Variants in SSTR1 observed in about 807,000 individuals in gnomAD.
The protein encoded by SSTR1 is somatostatin receptor 1, also known as somatostatin receptor type 1.
SSTR1 carries 10 observed loss-of-function variants against 20.7 expected under a neutral mutation model. The observed-to-expected ratio is 0.48, with a 90% confidence interval of 0.30 to 0.82. The LOEUF (loss-of-function observed/expected upper bound fraction) is 0.82. Among genes scored for constraint, SSTR1 ranks in the 40% least tolerant of loss-of-function variants. The pLI is 0.07. For synonymous variants in SSTR1, 267 were observed against 227.8 expected, an observed-to-expected ratio of 1.17 and a Z score of -1.55; for missense variants, 494 against 540.0, an observed-to-expected ratio of 0.91 and a Z score of 0.84.
rs1192402133 is a variant in SSTR1 at position 38,209,277 on chromosome 14, TG to T, written c.-110del. The T allele has an allele frequency of 3.9e-6, 5 of 1,286,446 alleles. No individual in the cohort carries two copies. The East Asian group carries it at 1.2e-4, about 31-fold the overall frequency. The allele number at this position is 1,286,446 out of a possible 1,614,324, so 79.7% of individuals were successfully genotyped here. On this transcript the variant is annotated 5_prime_UTR_variant, in exon 3 of 3. Transcript: ENST00000267377. ...GCGGTTGCGCTCTACCCGGAGGCGC[TG>T]GGCGGCTGTGGGCTGCAGGCAAGCG...
rs1594459680 is a variant in SSTR1, at chr14:38,210,915, A to T, written c.*350A>T. 6 of 262,118 alleles carry T rather than the reference A, an allele frequency of 2.3e-5. No individual in the cohort carries two copies. The East Asian group carries it at 5.4e-4, about 24-fold the overall frequency. The allele number at this position is 262,118 out of a possible 1,614,324, so 16.2% of individuals were successfully genotyped here. ...ATCCTTTCTTCCGCACCGTCCCGCC[A>T]GTGCAGATCACGAACTCATTAACAA... On this transcript the variant is annotated 3_prime_UTR_variant, in exon 3 of 3. Transcript: ENST00000267377.
chr14:38,211,714 C>A lies in SSTR1; in HGVS notation c.*1149C>A, dbSNP rs1310433012. The A allele has an allele frequency of 6.0e-6, 1 of 167,156 alleles. No homozygotes were observed. Among genetic ancestry groups the A allele is most frequent in the Non-Finnish European group, 1.5e-5 (1 of 68,154 alleles). 10.4% of individuals were successfully genotyped at this position (167,156 alleles called of 1,614,324 possible). On this transcript the variant is annotated 3_prime_UTR_variant, in exon 3 of 3. Coordinates refer to ENST00000267377, the MANE Select transcript of SSTR1 (RefSeq NM_001049.3). ...AGTCCGCCAGTGTTGGCGGTGTCGC[C>A]GCAACCTGCAGGCTCCCGAGTGGGG...
chr14:38,210,058 C>A lies in SSTR1; in HGVS notation c.669C>A (p.Phe223Leu). Residue 223 changes from phenylalanine to leucine, a missense_variant, in exon 3 of 3, where the codon TTC becomes TTA. Transcript: ENST00000267377. ...PEPAQRWLVG[F>L]VLYTFLMGFL... ...CCGCTCAACGCTGGCTGGTGGGCTT[C>A]GTGTTGTACACATTTCTCATGGGCT... The A allele has an allele frequency of 6.2e-7, 1 of 1,614,206 alleles. No individual in the cohort carries two copies. Among genetic ancestry groups the A allele is most frequent in the Non-Finnish European group, 8.5e-7 (1 of 1,180,050 alleles).
Position 38,209,350 on chromosome 14 carries a change from GC to G in SSTR1, c.-36del. On this transcript the variant is annotated 5_prime_UTR_variant, in exon 3 of 3. Coordinates refer to ENST00000267377, the MANE Select transcript of SSTR1 (RefSeq NM_001049.3). ...CAGGCGGCGGGTGCGCGAGGAGAAA[GC>G]CCCAGCCCTGGCAGCCCCACTGGCC... The G allele has an allele frequency of 6.9e-7, 1 of 1,439,678 alleles. No homozygotes were observed. Among genetic ancestry groups the G allele is most frequent in the Non-Finnish European group, 9.1e-7 (1 of 1,097,562 alleles). The allele number at this position is 1,439,678 out of a possible 1,614,324, so 89.2% of individuals were successfully genotyped here.
In SSTR1 at chr14:38,209,268, C is replaced by G. The variant is rs974800782; in HGVS notation, c.-122C>G. The G allele has an allele frequency of 8.8e-6, 11 of 1,250,640 alleles. No individual in the cohort carries two copies. The East Asian group carries it at 1.5e-4, about 17-fold the overall frequency. The allele number at this position is 1,250,640 out of a possible 1,614,324, so 77.5% of individuals were successfully genotyped here. ...CTCCCCGCAGCGGTTGCGCTCTACC[C>G]GGAGGCGCTGGGCGGCTGTGGGCTG... On this transcript the variant is annotated 5_prime_UTR_variant, in exon 3 of 3. Transcript: ENST00000267377.
At position 38,209,366 on chromosome 14, in the gene SSTR1, C is replaced by T. The variant is rs776637024; in HGVS notation, c.-24C>T. 1.4e-6 allele frequency: 2 copies of T among 1,461,350 alleles called. No individual in the cohort carries two copies. Among genetic ancestry groups the T allele is most frequent in the African/African-American group, 2.9e-5 (2 of 69,708 alleles). The allele number at this position is 1,461,350 out of a possible 1,614,324, so 90.5% of individuals were successfully genotyped here. On this transcript the variant is annotated 5_prime_UTR_variant, in exon 3 of 3. Coordinates refer to ENST00000267377, the MANE Select transcript of SSTR1 (RefSeq NM_001049.3). ...GAGGAGAAAGCCCCAGCCCTGGCAGCCCCACTGGCCCCCCTCAGCTGGGAT... is the reference window on the plus strand; with the variant it reads ...GAGGAGAAAGCCCCAGCCCTGGCAGTCCCACTGGCCCCCCTCAGCTGGGAT...
At position 38,210,100 on chromosome 14, in the gene SSTR1, G is replaced by A. The variant is rs371288526; in HGVS notation, c.711G>A (p.Gly237=). Reference sequence around the variant, plus strand: ...TCATGGGCTTCCTGCTGCCCGTGGGGGCTATCTGCCTGTGCTACGTGCTCA... The same window carrying A: ...TCATGGGCTTCCTGCTGCCCGTGGGAGCTATCTGCCTGTGCTACGTGCTCA... ...TFLMGFLLPV[G]AICLCYVLII... The change falls in exon 3 of 3, where the codon GGG becomes GGA. Residue 237 remains glycine (G), a synonymous_variant. Coordinates refer to ENST00000267377, the MANE Select transcript of SSTR1 (RefSeq NM_001049.3). 25 of 1,614,102 alleles carry A rather than the reference G, an allele frequency of 1.5e-5. No individual in the cohort carries two copies. The highest frequency in any genetic ancestry group is 1.7e-5 in the Non-Finnish European group (20 of 1,180,062).
chr14:38,210,794 C>A lies in SSTR1; in HGVS notation c.*229C>A. The A allele has an allele frequency of 9.0e-7, 1 of 1,113,646 alleles. No homozygotes were observed. Among genetic ancestry groups the A allele is most frequent in the African/African-American group, 1.6e-5 (1 of 63,068 alleles). The allele number at this position is 1,113,646 out of a possible 1,614,324, so 69.0% of individuals were successfully genotyped here. A position where few individuals can be genotyped will look rare whatever the true frequency, so the allele number is the denominator to read the frequency against. On this transcript the variant is annotated 3_prime_UTR_variant, in exon 3 of 3. Transcript: ENST00000267377. ...TTTGCTTATAAACTGGGAAGGCTTTCAGGCTACCTTTTTCTGGGTCTCCCA... is the reference window on the plus strand; with the variant it reads ...TTTGCTTATAAACTGGGAAGGCTTTAAGGCTACCTTTTTCTGGGTCTCCCA...
chr14:38,208,340 C>G (rs1343792037), intron 1 of SSTR1, 103 bp from the exon 2 acceptor site: 1 of 152,266 alleles, frequency 6.6e-6, no homozygotes, highest in African/African-American at 2.4e-5. Context: ...GAATGGTTCA[C>G]TCAGGTCCCT....
chr14:38,208,340 C>T (rs1343792037), intron 1 of SSTR1, 103 bp from the exon 2 acceptor site: 1 of 152,266 alleles, frequency 6.6e-6, no homozygotes, highest in Non-Finnish European at 1.5e-5. Flanking sequence ...GAATGGTTCA[C>T]TCAGGTCCCT....
Position 38,209,835 on chromosome 14 carries a change from CTG to C in SSTR1, c.449_450del (p.Val150AlafsTer99). On this transcript the variant is annotated frameshift_variant, in exon 3 of 3. Transcript: ENST00000267377. LOFTEE classifies it high-confidence loss of function. ...ATGTTCACCAGCATCTACTGTCTGA[CTG>C]TGCTCAGCGTGGACCGCTACGTGGC... is the stretch of plus-strand genomic sequence containing the variant. 6.2e-7 allele frequency: 1 copy of C among 1,613,926 alleles called. No homozygotes were observed.
Position 38,212,457 on chromosome 14 carries a change from C to T in SSTR1, c.*1892C>T, listed in dbSNP as rs533044408. 3 of 167,154 alleles carry T rather than the reference C, an allele frequency of 1.8e-5. No homozygotes were observed. The East Asian group carries it at 5.8e-4, about 32-fold the overall frequency. The allele number at this position is 167,154 out of a possible 1,614,324, so 10.4% of individuals were successfully genotyped here. On this transcript the variant is annotated 3_prime_UTR_variant, in exon 3 of 3. Coordinates refer to ENST00000267377, the MANE Select transcript of SSTR1 (RefSeq NM_001049.3). ...AGCAGAGGTGATTCTTACATATGATCCAGTTAACATCATCACTTTTTTTGA... is the reference window on the plus strand; with the variant it reads ...AGCAGAGGTGATTCTTACATATGATTCAGTTAACATCATCACTTTTTTTGA...
At position 38,209,590 on chromosome 14, in the gene SSTR1, G is replaced by C. The variant is rs763438187; in HGVS notation, c.201G>C (p.Val67=). The change falls in exon 3 of 3, where the codon GTG becomes GTC. Residue 67 remains valine (V), a synonymous_variant. Coordinates refer to ENST00000267377, the MANE Select transcript of SSTR1 (RefSeq NM_001049.3). ...SAILISFIYS[V]VCLVGLCGNS... is the part of the protein sequence containing the mutation. ...TCCTGATCTCTTTCATCTACTCCGT[G>C]GTGTGCCTGGTGGGGCTGTGTGGGA... 6.2e-7 allele frequency: 1 copy of C among 1,613,796 alleles called. No homozygotes were observed. The highest frequency in any genetic ancestry group is 8.5e-7 in the Non-Finnish European group (1 of 1,179,840).
rs1384570945 is a variant in SSTR1, at chr14:38,211,213, C to G, written c.*648C>G. On this transcript the variant is annotated 3_prime_UTR_variant, in exon 3 of 3. Coordinates refer to ENST00000267377, the MANE Select transcript of SSTR1 (RefSeq NM_001049.3). ...ATCTTTCCCTGCCCTCCCCTGTCCCCCTCTCGCCGCCCGCCCGCCACCACC... is the reference window on the plus strand; with the variant it reads ...ATCTTTCCCTGCCCTCCCCTGTCCCGCTCTCGCCGCCCGCCCGCCACCACC... 1 of 167,170 alleles carries G rather than the reference C, an allele frequency of 6.0e-6. No individual in the cohort carries two copies. Among genetic ancestry groups the G allele is most frequent in the Non-Finnish European group, 1.5e-5 (1 of 68,304 alleles). 10.4% of individuals were successfully genotyped at this position (167,170 alleles called of 1,614,324 possible). A position where few individuals can be genotyped will look rare whatever the true frequency, so the allele number is the denominator to read the frequency against.
chr14:38,209,325 C>A lies in SSTR1; in HGVS notation c.-65C>A. On this transcript the variant is annotated 5_prime_UTR_variant, in exon 3 of 3. Transcript: ENST00000267377. ...AGCGGTCGGGTGGGGAGGGAGGGCG[C>A]AGGCGGCGGGTGCGCGAGGAGAAAG... is the stretch of plus-strand genomic sequence containing the variant. The A allele has an allele frequency of 2.1e-6, 3 of 1,419,000 alleles. No individual in the cohort carries two copies. Among genetic ancestry groups the A allele is most frequent in the Non-Finnish European group, 2.8e-6 (3 of 1,088,324 alleles). The allele number at this position is 1,419,000 out of a possible 1,614,324, so 87.9% of individuals were successfully genotyped here. A position where few individuals can be genotyped will look rare whatever the true frequency, so the allele number is the denominator to read the frequency against.
Position 38,210,678 on chromosome 14 carries a change from G to T in SSTR1, c.*113G>T. Reference sequence around the variant, plus strand: ...GAAAGGGACGGTATCCAGGGCGCCAGGGTGCTGTCGGGATAACGTGGGGCT... The same window carrying T: ...GAAAGGGACGGTATCCAGGGCGCCATGGTGCTGTCGGGATAACGTGGGGCT... On this transcript the variant is annotated 3_prime_UTR_variant, in exon 3 of 3. Transcript: ENST00000267377. The T allele has an allele frequency of 6.9e-7, 1 of 1,453,314 alleles. No individual in the cohort carries two copies. Among genetic ancestry groups the T allele is most frequent in the Non-Finnish European group, 9.1e-7 (1 of 1,102,194 alleles). 90.0% of individuals were successfully genotyped at this position (1,453,314 alleles called of 1,614,324 possible).
At position 38,210,262 on chromosome 14, in the gene SSTR1, G is replaced by T; in HGVS notation, c.873G>T (p.Gln291His). 1 of 1,614,206 alleles carries T rather than the reference G, an allele frequency of 6.2e-7. No individual in the cohort carries two copies. The highest frequency in any genetic ancestry group is 1.1e-5 in the South Asian group (1 of 91,082). Residue 291 changes from glutamine to histidine, a missense_variant, in exon 3 of 3, where the codon CAG (glutamine) becomes CAT (histidine). This residue lies in a region of SSTR1 where 280 missense variants were observed against 286.1 expected (regional missense o/e 0.98). Transcript: ENST00000267377. ...GCTGGATGCCTTTCTACGTGGTGCA[G>T]CTGGTCAACGTGTTTGCTGAGCAGG... ...VICWMPFYVV[Q>H]LVNVFAEQDD...
rs1883291647 is a variant in SSTR1 at position 38,209,908 on chromosome 14, G to A, written c.519G>A (p.Val173=). The A allele has an allele frequency of 6.2e-7, 1 of 1,613,916 alleles. No individual in the cohort carries two copies. The highest frequency in any genetic ancestry group is 8.5e-7 in the Non-Finnish European group (1 of 1,180,032). Residue 173 remains valine (V), a synonymous_variant, in exon 3 of 3, where the codon GTG becomes GTA. Transcript: ENST00000267377. ...IKAARYRRPT[V]AKVVNLGVWV... ...CGGCCCGCTACCGCCGGCCCACCGT[G>A]GCCAAGGTAGTAAACCTGGGCGTGT...
rs1302527273 is a variant in SSTR1, at chr14:38,210,922, A to C, written c.*357A>C. On this transcript the variant is annotated 3_prime_UTR_variant, in exon 3 of 3. Coordinates refer to ENST00000267377, the MANE Select transcript of SSTR1 (RefSeq NM_001049.3). The stretch of plus-strand genomic sequence containing the variant: ...CTTCCGCACCGTCCCGCCAGTGCAG[A>C]TCACGAACTCATTAACAACTCATTC... 1 of 240,752 alleles carries C rather than the reference A, an allele frequency of 4.2e-6. No homozygotes were observed. Among genetic ancestry groups the C allele is most frequent in the African/African-American group, 2.3e-5 (1 of 43,654 alleles). The allele number at this position is 240,752 out of a possible 1,614,324, so 14.9% of individuals were successfully genotyped here.
Sources: allele counts gnomAD v4.1 joint callset, GRCh38; gene constraint gnomAD v4.1.1; regional missense constraint gnomAD v4.1.1; transcripts MANE v1.5; gene names NCBI Gene and HGNC (gene_info 2026-07-23, HGNC 2026-07-21).